The following RNF150 variants were observed in gnomAD, a reference collection of about 807,000 sequenced individuals.
RNF150 encodes ring finger protein 150.
A neutral mutation model predicts 39.3 loss-of-function variants in RNF150; 24 were observed. That is an observed-to-expected ratio of 0.61 (90% CI 0.44 to 0.86). RNF150 has a LOEUF of 0.86. Ranked by LOEUF, RNF150 falls within the 40% of genes least tolerant of loss-of-function variation. The pLI, the probability that RNF150 is intolerant of heterozygous loss-of-function variation, is 0.00. For synonymous variants in RNF150, 255 were observed against 227.3 expected (o/e 1.12, Z -1.10); for missense variants, 502 against 587.8 (o/e 0.85, Z 1.51).
At chr4:141,186,365 T>C (rs1430861674) in intron 1 of RNF150, among the ~76,000 whole-genome samples, 1 of 152,176 alleles carries the variant, frequency 6.6e-6, no homozygotes, top group African/African-American at 2.4e-5. Context: ...TTGTGTGGGA[T>C]CTGTGGTGAT....
At chr4:140,994,481 AACACAC>A (rs61671585) in intron 1 of RNF150, among the ~76,000 whole-genome samples, 6 of 150,826 alleles carry the variant, frequency 4.0e-5, no homozygotes, top group Non-Finnish European at 8.9e-5. Context: ...ACACACACAC[AACACAC>A]ACACACACAC....
intron 5 of RNF150, among the ~76,000 whole-genome samples, chr4:140,921,714 C>T (rs1352859400): frequency 1.3e-5 from 2 of 152,126 alleles, no homozygotes; most frequent in Admixed American, 6.5e-5. Context: ...ATCCAAAAAA[C>T]CTCAATAAAA....
At chr4:140,949,612 G>A (rs1732464061) in intron 2 of RNF150, among the ~76,000 whole-genome samples, 1 of 151,918 alleles carries the variant, frequency 6.6e-6, no homozygotes, top group African/African-American at 2.4e-5. Flanking sequence ...TTAAGCAAGT[G>A]CATGTGACAT....
At chr4:141,148,196 T>G (rs980188247) in intron 1 of RNF150, among the ~76,000 whole-genome samples, 3 of 152,144 alleles carry the variant, frequency 2.0e-5, no homozygotes, top group African/African-American at 7.2e-5. Context: ...TTTTTGAAAA[T>G]CTTTGTAAAA....
intron 1 of RNF150, among the ~76,000 whole-genome samples, chr4:141,172,982 C>T (rs374447213): frequency 1.1e-4 from 17 of 151,530 alleles, no homozygotes; most frequent in African/African-American, 1.9e-4. Flanking sequence ...GCCAAGATCG[C>T]GGCATTGCAC....
At chr4:141,156,432 C>T (rs1727401225) in intron 1 of RNF150, among the ~76,000 whole-genome samples, 1 of 152,052 alleles carries the variant, frequency 6.6e-6, no homozygotes, top group Admixed American at 6.5e-5. Context: ...AGGCATGTGC[C>T]ACAACACCTG....
chr4:141,009,880 C>T (rs1336299910), intron 1 of RNF150, among the ~76,000 whole-genome samples: 1 of 152,194 alleles, frequency 6.6e-6, no homozygotes, highest in Non-Finnish European at 1.5e-5. Flanking sequence ...TTAGGTATCT[C>T]TGCTCCTCTG....
chr4:141,086,940 A>C (rs1052132908), intron 1 of RNF150, among the ~76,000 whole-genome samples: 7 of 151,966 alleles, frequency 4.6e-5, no homozygotes, highest in Admixed American at 6.6e-5. Context: ...GGCGTTAATA[A>C]AATTCAAAGG....
In RNF150 at chr4:141,206,430, A is replaced by AAAAAG. The variant is rs1224562750; in HGVS notation, c.-6+6363_-6+6364insCTTTT. 2.0e-5 allele frequency among the ~76,000 whole-genome samples: 3 copies of AAAAAG among 151,804 alleles called. No homozygotes were observed. The East Asian group carries it at 5.8e-4, about 29-fold the overall frequency. ...ATGAGACTCAATCTCAAAAAAAAAA[A>AAAAAG]AAAAAAAAGAGTGTTCCCAAACCAA... is the stretch of plus-strand genomic sequence containing the variant. On this transcript the variant is annotated intron_variant, in intron 1 of 7. Transcript: ENST00000420921.
intron 1 of RNF150, among the ~76,000 whole-genome samples, chr4:141,044,004 C>T (rs9991795): frequency 0.21 from 31,458 of 152,048 alleles, 3,325 homozygotes; most frequent in Middle Eastern, 0.29. Flanking sequence ...TCACAACATC[C>T]TTGAATGGTG....
chr4:140,868,621 A>G (rs1728810966), intron 6 of RNF150, among the ~76,000 whole-genome samples: 1 of 152,222 alleles, frequency 6.6e-6, no homozygotes, highest in Admixed American at 6.5e-5. Context: ...GTAGGAAAAT[A>G]TATATCTACC....
At chr4:141,176,053 A>AT (rs35532391) in intron 1 of RNF150, among the ~76,000 whole-genome samples, 35,944 of 144,816 alleles carry the variant, frequency 0.25, 4,381 homozygotes, top group South Asian at 0.35. Context: ...TGGTGGGCTA[A>AT]TTTTTTTTTT....
intron 1 of RNF150, among the ~76,000 whole-genome samples, chr4:140,993,757 G>T (rs1734272074): frequency 6.6e-6 from 1 of 152,148 alleles, no homozygotes; most frequent in Admixed American, 6.5e-5. Context: ...GATAAGGAGG[G>T]TTATCTCCTT....
chr4:140,951,423 G>C (rs1180907979), intron 2 of RNF150, among the ~76,000 whole-genome samples: 1 of 152,066 alleles, frequency 6.6e-6, no homozygotes, highest in African/African-American at 2.4e-5. Flanking sequence ...GAAAACACAT[G>C]TGTGCGCATA....
intron 1 of RNF150, among the ~76,000 whole-genome samples, chr4:141,083,706 T>C (rs1271334396): frequency 1.3e-5 from 2 of 152,046 alleles, no homozygotes; most frequent in African/African-American, 4.8e-5. Flanking sequence ...ACGTTGGTTG[T>C]AAAGCCCACT....
At chr4:140,992,192 G>A (rs1054255737) in intron 1 of RNF150, among the ~76,000 whole-genome samples, 1 of 151,910 alleles carries the variant, frequency 6.6e-6, no homozygotes, top group Non-Finnish European at 1.5e-5. Flanking sequence ...AACTTGTTAG[G>A]GATAATTAGA....
intron 1 of RNF150, chr4:140,996,912 T>C (rs950308013): frequency 6.6e-6 from 1 of 152,160 alleles, no homozygotes; most frequent in Non-Finnish European, 1.5e-5. Context: ...AGAAAGGAAC[T>C]AGGAGAACAT....
chr4:141,078,832 T>TAC (rs1553944695), intron 1 of RNF150, among the ~76,000 whole-genome samples: 1,383 of 102,332 alleles, frequency 0.014, 58 homozygotes, highest in Middle Eastern at 0.022. Flanking sequence ...TATATATATA[T>TAC]ACACACACAC....
chr4:141,076,739 C>T (rs1345254121), intron 1 of RNF150, among the ~76,000 whole-genome samples: 2 of 151,994 alleles, frequency 1.3e-5, no homozygotes, highest in African/African-American at 2.4e-5. Context: ...TGAATAAAAA[C>T]ACATTGCCTA....
Sources: allele counts gnomAD v4.1 joint callset (sites outside exome capture counted in the v4.1 genomes callset), GRCh38; gene constraint gnomAD v4.1.1; transcripts MANE v1.5; gene names NCBI Gene and HGNC (gene_info 2026-07-23, HGNC 2026-07-21).